Variants in LAMA2 observed in about 807,000 individuals in gnomAD.
The protein encoded by LAMA2 is laminin subunit alpha 2.
A neutral mutation model predicts 364.8 loss-of-function variants in LAMA2; 269 were observed. The ratio of observed to expected loss-of-function variants is 0.74; its 90% CI spans 0.67 to 0.82. LAMA2 has a LOEUF of 0.82. LAMA2 is among the 40% of genes least tolerant of loss of function. The pLI, the probability that LAMA2 is intolerant of heterozygous loss-of-function variation, is 0.00. For synonymous variants in LAMA2, 1,379 were observed against 1,370.6 expected (o/e 1.01, Z -0.14); for missense variants, 3,807 against 3,873.2 (o/e 0.98, Z 0.45).
At chr6:129,429,127 T>A (rs1399392479) in intron 41 of LAMA2, among the ~76,000 whole-genome samples, 1 of 152,228 alleles carries the variant, frequency 6.6e-6, no homozygotes, top group Non-Finnish European at 1.5e-5. Flanking sequence ...AGGATTTAGT[T>A]CAAATGCCAT....
chr6:129,387,700 C>T (rs1164010452), intron 35 of LAMA2, among the ~76,000 whole-genome samples: 1 of 152,194 alleles, frequency 6.6e-6, no homozygotes, highest in Non-Finnish European at 1.5e-5. Context: ...TACATATACA[C>T]CATGGAATAC....
intron 1 of LAMA2, among the ~76,000 whole-genome samples, chr6:128,993,829 T>A (rs1027997400): frequency 6.6e-6 from 1 of 152,132 alleles, no homozygotes; most frequent in Non-Finnish European, 1.5e-5. Context: ...AGAAGAAAAA[T>A]TAATAGGGTT....
chr6:128,970,492 T>C (rs927989945), intron 1 of LAMA2, among the ~76,000 whole-genome samples: 1 of 152,196 alleles, frequency 6.6e-6, no homozygotes, highest in Non-Finnish European at 1.5e-5. Flanking sequence ...GATGACTTAT[T>C]TGAGGCTTTA....
intron 1 of LAMA2, among the ~76,000 whole-genome samples, chr6:128,908,608 TG>T (rs1279222754): frequency 1.5e-5 from 2 of 137,560 alleles, no homozygotes; most frequent in African/African-American, 5.8e-5. Flanking sequence ...ATTAATTTTT[TG>T]AAGGGTTTTT....
At position 129,391,409 on chromosome 6, in the gene LAMA2, G is replaced by A. The variant is rs371859402; in HGVS notation, c.5072-82G>A. The A allele has an allele frequency of 1.2e-3, 1,353 of 1,144,094 alleles. 4 individuals are homozygous for A. The highest frequency in any genetic ancestry group is 1.7e-3 in the Middle Eastern group (9 of 5,150). The allele number at this position is 1,144,094 out of a possible 1,614,324, so 70.9% of individuals were successfully genotyped here. A position where few individuals can be genotyped will look rare whatever the true frequency, so the allele number is the denominator to read the frequency against. On this transcript the variant is annotated intron_variant, in intron 35 of 64. Coordinates refer to ENST00000421865, the MANE Select transcript of LAMA2 (RefSeq NM_000426.4). ...AAAATACTCTTCATTTGGAGATGGT[G>A]GTGCCCAGCAGATGCTGAATACCAT...
chr6:129,048,532 CCTTCCTTCCTTT>C (rs1562187969), intron 1 of LAMA2, among the ~76,000 whole-genome samples: 3 of 66,188 alleles, frequency 4.5e-5, no homozygotes, highest in African/African-American at 1.8e-4. Context: ...TTCCTTCCTT[CCTTCCTTCCTTT>C]CTTTCTTTCT....
intron 7 of LAMA2, 81 bp from the exon 8 acceptor site, chr6:129,154,424 T>C: frequency 7.6e-7 from 1 of 1,312,256 alleles, no homozygotes; most frequent in Non-Finnish European, 1.1e-6. Context: ...AAAAAAAAAA[T>C]CTATTATGTA....
At chr6:129,452,805 CTG>C (rs975139126) in intron 45 of LAMA2, among the ~76,000 whole-genome samples, 181 bp from the exon 46 acceptor site, 7 of 152,180 alleles carry the variant, frequency 4.6e-5, no homozygotes, top group African/African-American at 1.7e-4. Flanking sequence ...TAGTGGAAAA[CTG>C]CTCTTCTGTG....
chr6:128,906,066 G>T (rs1777442387), intron 1 of LAMA2, among the ~76,000 whole-genome samples: 1 of 149,544 alleles, frequency 6.7e-6, no homozygotes, highest in African/African-American at 2.5e-5. Flanking sequence ...CCAAGTCTTT[G>T]CTATTGTGAA....
At chr6:128,988,032 T>C (rs745997606) in intron 1 of LAMA2, among the ~76,000 whole-genome samples, 1 of 152,038 alleles carries the variant, frequency 6.6e-6, no homozygotes, top group African/African-American at 2.4e-5. Context: ...GCCCAGCTAA[T>C]TTTTTGTATT....
intron 4 of LAMA2, among the ~76,000 whole-genome samples, chr6:129,116,305 G>A (rs760547748): frequency 1.3e-5 from 2 of 152,096 alleles, no homozygotes; most frequent in African/African-American, 2.4e-5. Context: ...AATGTTGTTC[G>A]AAAGTTGTTC....
intron 3 of LAMA2, among the ~76,000 whole-genome samples, chr6:129,082,258 A>G (rs564162221): frequency 2.6e-5 from 4 of 152,126 alleles, no homozygotes; most frequent in South Asian, 2.1e-4. Context: ...GCTTTGCTCA[A>G]TTTTCTCATC....
chr6:129,279,368 A>G (rs1327853901), intron 17 of LAMA2, among the ~76,000 whole-genome samples: 1 of 152,192 alleles, frequency 6.6e-6, no homozygotes, highest in Non-Finnish European at 1.5e-5. Flanking sequence ...TCTGGTGTTC[A>G]GCTCTATTGC....
intron 12 of LAMA2, among the ~76,000 whole-genome samples, chr6:129,218,207 C>T (rs1437049402): frequency 2.0e-5 from 3 of 152,100 alleles, no homozygotes; most frequent in Non-Finnish European, 2.9e-5. Flanking sequence ...ATTAACATCT[C>T]AGTGTATTGT....
chr6:129,392,960 C>A, intron 36 of LAMA2, 85 bp from the exon 37 acceptor site: 1 of 1,028,198 alleles, frequency 9.7e-7, no homozygotes, highest in Middle Eastern at 2.8e-4. Context: ...ATGTTAGCAT[C>A]TCTTTGTAAC....
chr6:129,074,242 A>C (rs1351242843), intron 3 of LAMA2, among the ~76,000 whole-genome samples: 2 of 152,178 alleles, frequency 1.3e-5, no homozygotes, highest in Admixed American at 1.3e-4. Flanking sequence ...TTTTTGCATG[A>C]TGTTTATCTT....
At chr6:129,086,944 CTTCCT>C (rs1774420489) in intron 3 of LAMA2, among the ~76,000 whole-genome samples, 1 of 152,162 alleles carries the variant, frequency 6.6e-6, no homozygotes, top group South Asian at 2.1e-4. Flanking sequence ...CTCATGACCC[CTTCCT>C]CCATCTTCAA....
At chr6:128,944,240 AG>A (rs1780357206) in intron 1 of LAMA2, among the ~76,000 whole-genome samples, 2 of 152,206 alleles carry the variant, frequency 1.3e-5, no homozygotes, top group Non-Finnish European at 2.9e-5. Flanking sequence ...TACCCCACCT[AG>A]ATTAAATGAA....
At chr6:129,225,008 A>G (rs1312296557) in intron 12 of LAMA2, among the ~76,000 whole-genome samples, 1 of 152,182 alleles carries the variant, frequency 6.6e-6, no homozygotes, top group Non-Finnish European at 1.5e-5. Flanking sequence ...CCTCAATTTC[A>G]GAGCCTGTTA....
Sources: gnomAD v4.1 joint callset for allele counts (sites outside exome capture counted in the v4.1 genomes callset) on GRCh38, gnomAD v4.1.1 for gene constraint, MANE v1.5 for transcripts, NCBI Gene and HGNC (gene_info 2026-07-23, HGNC 2026-07-21) for gene names.